Variants in SYT17 observed in about 807,000 individuals in gnomAD.
SYT17 encodes the protein synaptotagmin 17, also known as synaptotagmin-17.
SYT17 carries 22 observed loss-of-function variants against 46.7 expected under a neutral mutation model. The observed-to-expected ratio is 0.47, with a 90% CI of 0.34 to 0.67. The LOEUF (loss-of-function observed/expected upper bound fraction) is 0.67. Ranked by LOEUF, SYT17 falls within the 30% of genes least tolerant of loss-of-function variation. SYT17 has a pLI of 0.01. For synonymous variants in SYT17, 251 were observed against 248.4 expected, an observed-to-expected ratio of 1.01 and a Z score of -0.10; for missense variants, 519 against 612.8, an observed-to-expected ratio of 0.85 and a Z score of 1.62.
At chr16:19,200,530 A>G (rs1965420151) in intron 5 of SYT17, among the ~76,000 whole-genome samples, 1 of 152,242 alleles carries the variant, frequency 6.6e-6, no homozygotes, top group Admixed American at 6.5e-5. Flanking sequence ...CATAAGAGGC[A>G]AGGGGTTCCT....
intron 7 of SYT17, among the ~76,000 whole-genome samples, chr16:19,251,374 A>C (rs538412182): frequency 1.3e-4 from 20 of 152,240 alleles, no homozygotes; most frequent in Non-Finnish European, 2.4e-4. Context: ...GTATAGGTTA[A>C]GGAATAGACT....
chr16:19,250,023 T>C, intron 7 of SYT17: 2 of 1,535,906 alleles, frequency 1.3e-6, no homozygotes, highest in Non-Finnish European at 8.7e-7. Flanking sequence ...CACCTGGAAA[T>C]GAACATTTCC....
At chr16:19,174,915 C>T (rs144852354) in intron 3 of SYT17, among the ~76,000 whole-genome samples, 12 of 152,168 alleles carry the variant, frequency 7.9e-5, no homozygotes, top group Admixed American at 7.9e-4. Context: ...CTCAGGATTT[C>T]GAGACCAGCC....
intron 2 of SYT17, 76 bp from the exon 3 acceptor site, chr16:19,173,354 T>C (rs1964177936): frequency 2.0e-6 from 2 of 993,630 alleles, no homozygotes; most frequent in Admixed American, 5.8e-5. Flanking sequence ...GGGTGTTGTT[T>C]CTCCTCTTCC....
intron 7 of SYT17, among the ~76,000 whole-genome samples, chr16:19,255,747 G>A (rs181766951): frequency 4.6e-5 from 7 of 152,184 alleles, no homozygotes; most frequent in South Asian, 4.2e-4. Flanking sequence ...ATCATGCCAC[G>A]CCACTGCACT....
chr16:19,219,803 A>T (rs1966239864), intron 5 of SYT17, among the ~76,000 whole-genome samples: 3 of 152,094 alleles, frequency 2.0e-5, no homozygotes, highest in African/African-American at 4.8e-5. Flanking sequence ...GACGGTTCTC[A>T]CTGGTGTATC....
chr16:19,184,544 C>T (rs1333007753), intron 5 of SYT17, among the ~76,000 whole-genome samples: 1 of 145,106 alleles, frequency 6.9e-6, no homozygotes, highest in African/African-American at 2.6e-5. Flanking sequence ...CGCCACCACG[C>T]CCTGCTAATT....
intron 7 of SYT17, among the ~76,000 whole-genome samples, chr16:19,242,272 G>C (rs1198247739): frequency 6.6e-6 from 1 of 152,168 alleles, no homozygotes; most frequent in African/African-American, 2.4e-5. Flanking sequence ...CAACAGAGAA[G>C]GCCAGGAAAA....
chr16:19,239,441 A>G (rs1597001739), intron 7 of SYT17, among the ~76,000 whole-genome samples: 1 of 152,176 alleles, frequency 6.6e-6, no homozygotes, highest in Non-Finnish European at 1.5e-5. Flanking sequence ...TCAGAAAACC[A>G]GACTCCCAGA....
Position 19,173,617 on chromosome 16 carries a change from C to G in SYT17, c.182+39C>G, listed in dbSNP as rs756008703. The G allele has an allele frequency of 5.6e-6, 9 of 1,602,666 alleles. No individual in the cohort carries two copies. In the African/African-American group the frequency reaches 9.4e-5, roughly 17 times the overall value. ...CTCTGAACTTCTCTGAAATCAATTTCAAGACTTTTCCTTTTTAATGAGAAG... is the reference window on the plus strand; with the variant it reads ...CTCTGAACTTCTCTGAAATCAATTTGAAGACTTTTCCTTTTTAATGAGAAG... On this transcript the variant is annotated intron_variant, in intron 3 of 7. Coordinates refer to ENST00000355377, the MANE Select transcript of SYT17 (RefSeq NM_016524.4).
At chr16:19,250,143 T>C in intron 7 of SYT17, 1 of 1,411,770 alleles carries the variant, frequency 7.1e-7, no homozygotes, top group Non-Finnish European at 9.2e-7. Context: ...TTAAAAATTT[T>C]TTAACATATT....
In SYT17 at chr16:19,267,007, G is replaced by A. The variant is rs569943172; in HGVS notation, c.1356G>A (p.Glu452=). 2 of 1,613,546 alleles carry A rather than the reference G, an allele frequency of 1.2e-6. No homozygotes were observed. Among genetic ancestry groups the A allele is most frequent in the South Asian group, 1.1e-5 (1 of 91,022 alleles). The change falls in exon 8 of 8, where the codon GAG becomes GAA. Residue 452 remains glutamate, a synonymous_variant. Transcript: ENST00000355377. ...RMLNTHRTAV[E]QWHSLRSRAE... ...TCAACACGCACCGCACAGCCGTGGA[G>A]CAGTGGCATAGCCTGAGGTCCCGAG...
Position 19,260,647 on chromosome 16 carries a change from G to T in SYT17, c.1229-6233G>T, listed in dbSNP as rs1968911920. Among the ~76,000 whole-genome samples the T allele has an allele frequency of 2.0e-5, 3 of 152,084 alleles. No individual in the cohort carries two copies. In the South Asian group the frequency reaches 6.2e-4, roughly 32 times the overall value. On this transcript the variant is annotated intron_variant, in intron 7 of 7. Transcript: ENST00000355377. The stretch of plus-strand genomic sequence containing the variant: ...GAACTAGCTTTTCAGGTCACCTTTG[G>T]AATGCCCTTGACCAAGAGGAGGGGC...
chr16:19,196,813 A>G (rs1414193742), intron 5 of SYT17, among the ~76,000 whole-genome samples: 1 of 152,162 alleles, frequency 6.6e-6, no homozygotes, highest in Non-Finnish European at 1.5e-5. Flanking sequence ...GTATAATGAC[A>G]TGGGTCCACC....
intron 7 of SYT17, among the ~76,000 whole-genome samples, chr16:19,252,313 G>A (rs1459319709): frequency 7.6e-6 from 1 of 131,142 alleles, no homozygotes; most frequent in African/African-American, 3.1e-5. Flanking sequence ...TTGAGACAGG[G>A]TCTCACTCTG....
At chr16:19,263,655 AAAAG>A (rs1447447792) in intron 7 of SYT17, among the ~76,000 whole-genome samples, 13 of 150,778 alleles carry the variant, frequency 8.6e-5, no homozygotes, top group Admixed American at 2.0e-4. Context: ...AAAAAAAAAA[AAAAG>A]AAAAGAAAAA....
chr16:19,223,272 A>T, intron 6 of SYT17, 107 bp downstream of exon 6: 1 of 1,339,336 alleles, frequency 7.5e-7, no homozygotes, highest in Non-Finnish European at 1.0e-6. Flanking sequence ...TACTCATCTC[A>T]GGATGAGGCA....
chr16:19,233,767 C>T lies in SYT17; in HGVS notation c.1228+8929C>T, dbSNP rs550206076. ...GAAAAGGAAGGAATTCTGAGTGGGG[C>T]AGAGCATTCTGAGAGAGCCTGAAAT... is the stretch of plus-strand genomic sequence containing the variant. On this transcript the variant is annotated intron_variant, in intron 7 of 7. Transcript: ENST00000355377. Among the ~76,000 whole-genome samples the T allele has an allele frequency of 3.3e-5, 5 of 152,278 alleles. No homozygotes were observed. In the South Asian group the frequency reaches 1.0e-3, roughly 32 times the overall value.
intron 5 of SYT17, among the ~76,000 whole-genome samples, chr16:19,220,303 C>CTTTTTTTTTTTTTTTTTTT (rs1555459738): frequency 5.2e-4 from 42 of 80,496 alleles, no homozygotes; most frequent in African/African-American, 1.0e-3. Flanking sequence ...TTCTTTCTTT[C>CTTTTTTTTTTTTTTTTTTT]TTTTTTTTTT....
Sources: gnomAD v4.1 joint callset for allele counts (sites outside exome capture counted in the v4.1 genomes callset) on GRCh38, gnomAD v4.1.1 for gene constraint, MANE v1.5 for transcripts, NCBI Gene and HGNC (gene_info 2026-07-23, HGNC 2026-07-21) for gene names.